The following DIPK2B variants were observed in gnomAD, a reference collection of about 807,000 sequenced individuals.
DIPK2B encodes the protein divergent protein kinase domain 2B, also known as UPF0672 protein CXorf36.
A neutral mutation model predicts 22.2 loss-of-function variants in DIPK2B; 15 were observed. That is an observed-to-expected ratio of 0.68 (90% confidence interval 0.45 to 1.04). The LOEUF (loss-of-function observed/expected upper bound fraction) is 1.04, where lower values mean the gene tolerates loss of function less well. Among genes scored for constraint, DIPK2B ranks in the 50% least tolerant of loss-of-function variants. The pLI is 0.00. For missense variants in DIPK2B, 345 were observed against 348.3 expected (o/e 0.99, Z 0.08); for synonymous variants, 163 against 153.2 (o/e 1.06, Z -0.47).
intron 1 of DIPK2B, among the ~76,000 whole-genome samples, chrX:45,193,527 G>A (rs1219760809): frequency 9.0e-6 from 1 of 111,503 alleles, no homozygotes; most frequent in East Asian, 2.8e-4. Flanking sequence ...AAATTACAAG[G>A]GCAAAGAGGT....
At position 45,177,031 on chromosome X, in the gene DIPK2B, C is replaced by A. The variant is rs138521683; in HGVS notation, c.498+14720G>T. On this transcript the variant is annotated intron_variant, in intron 2 of 4. Transcript: ENST00000398000. Reference sequence around the variant, plus strand: ...ATCTCATGTTGAAATGTGATCCCTGCCAGGTGCAGTAATTCCAGCATTTTG... The same window carrying A: ...ATCTCATGTTGAAATGTGATCCCTGACAGGTGCAGTAATTCCAGCATTTTG... Among the ~76,000 whole-genome samples the A allele has an allele frequency of 5.2e-3, 573 of 111,196 alleles. 1 individual carries two copies. The highest frequency in any genetic ancestry group is 0.018 in the African/African-American group (539 of 30,567).
intron 2 of DIPK2B, among the ~76,000 whole-genome samples, chrX:45,165,829 C>T (rs1276165008): frequency 8.9e-6 from 1 of 112,154 alleles, no homozygotes; most frequent in Non-Finnish European, 1.9e-5. Flanking sequence ...CCTCACAGAA[C>T]ACGCATGCAA....
chrX:45,174,269 T>C (rs1226143215), intron 2 of DIPK2B, among the ~76,000 whole-genome samples: 1 of 111,366 alleles, frequency 9.0e-6, no homozygotes, highest in East Asian at 2.8e-4. Flanking sequence ...CTGTCTGAGG[T>C]TGTTGTAAGT....
At chrX:45,179,945 T>A (rs2047140638) in intron 2 of DIPK2B, among the ~76,000 whole-genome samples, 1 of 111,581 alleles carries the variant, frequency 9.0e-6, no homozygotes, top group Non-Finnish European at 1.9e-5. Context: ...ATACTGAGGG[T>A]ATATTAAAAA....
At chrX:45,180,042 C>A (rs771705294) in intron 2 of DIPK2B, among the ~76,000 whole-genome samples, 1 of 110,579 alleles carries the variant, frequency 9.0e-6, no homozygotes, top group South Asian at 3.8e-4. Flanking sequence ...CAAGTCCCCC[C>A]ACAGCTCATC....
rs924177064 is a variant in DIPK2B at position 45,186,415 on chromosome X, G to A, written c.498+5336C>T. On this transcript the variant is annotated intron_variant, in intron 2 of 4. Transcript: ENST00000398000. ...AAGACCATTCAGCCAGAGGATGTGC[G>A]CTGATATCCAGGGAATATTGCCTTG... is the stretch of plus-strand genomic sequence containing the variant. Among the ~76,000 whole-genome samples, 7 of 111,655 alleles carry A rather than the reference G, an allele frequency of 6.3e-5. No homozygotes were observed. In the East Asian group the frequency reaches 2.0e-3, roughly 32 times the overall value.
Position 45,191,872 on chromosome X carries a change from T to C in DIPK2B, c.377A>G (p.Asp126Gly). ...TGATGCAGAGGCACAGATTCTCCTG[T>C]CTGAGATCTCGTTTTGATATTTGCT... ...LVSKYQNEIS[D>G]RRICASASAP... is the part of the protein sequence containing the mutation. Residue 126 changes from aspartate (D) to glycine (G), a missense_variant, in exon 2 of 5, where the codon GAC becomes GGC. By Grantham distance (94) the Asp-to-Gly change is moderately conservative. Transcript: ENST00000398000. The C allele has an allele frequency of 8.2e-7, 1 of 1,212,141 alleles. No homozygotes were observed. Among genetic ancestry groups the C allele is most frequent in the Non-Finnish European group, 1.1e-6 (1 of 895,578 alleles).
At chrX:45,186,848 C>T (rs994780102) in intron 2 of DIPK2B, among the ~76,000 whole-genome samples, 4 of 112,205 alleles carry the variant, frequency 3.6e-5, no homozygotes, top group African/African-American at 1.3e-4. Flanking sequence ...CTCCTAGCGC[C>T]TAGCACAGGT....
intron 2 of DIPK2B, among the ~76,000 whole-genome samples, chrX:45,181,759 C>T (rs189170165): frequency 2.1e-4 from 23 of 111,693 alleles, no homozygotes; most frequent in African/African-American, 3.9e-4. Flanking sequence ...TAGAAGTAAA[C>T]GAGAGAATAT....
intron 1 of DIPK2B, among the ~76,000 whole-genome samples, chrX:45,193,813 C>A (rs923272736): frequency 9.0e-6 from 1 of 111,248 alleles, no homozygotes; most frequent in African/African-American, 3.3e-5. Flanking sequence ...AAAGATCCTC[C>A]CCTCTAGGTG....
intron 1 of DIPK2B, among the ~76,000 whole-genome samples, chrX:45,192,556 A>G (rs1310098247): frequency 9.0e-6 from 1 of 111,075 alleles, no homozygotes; most frequent in East Asian, 2.8e-4. Flanking sequence ...AGGTTCTTGA[A>G]GAGGCTCTTG....
chrX:45,189,238 T>C (rs1440493801), intron 2 of DIPK2B, among the ~76,000 whole-genome samples: 1 of 112,118 alleles, frequency 8.9e-6, no homozygotes, highest in African/African-American at 3.2e-5. Context: ...TTCTCTTGGG[T>C]GAATAGGCGA....
chrX:45,165,050 T>C (rs963982410), intron 2 of DIPK2B, among the ~76,000 whole-genome samples: 1 of 111,673 alleles, frequency 9.0e-6, no homozygotes, highest in Admixed American at 9.5e-5. Flanking sequence ...GCCTTCAGAA[T>C]GCTATAAACA....
intron 2 of DIPK2B, among the ~76,000 whole-genome samples, chrX:45,176,838 C>G (rs977546108): frequency 8.9e-6 from 1 of 111,733 alleles, no homozygotes; most frequent in African/African-American, 3.3e-5. Context: ...CCTCAGTTGT[C>G]TCTTCTCCAA....
At chrX:45,171,655 G>A (rs1259989219) in intron 2 of DIPK2B, among the ~76,000 whole-genome samples, 1 of 111,508 alleles carries the variant, frequency 9.0e-6, no homozygotes, top group Non-Finnish European at 1.9e-5. Context: ...ATCTGTCATT[G>A]ACATTTCCCT....
At chrX:45,162,836 C>T in intron 2 of DIPK2B, 2 of 754,290 alleles carry the variant, frequency 2.7e-6, no homozygotes, top group Non-Finnish European at 3.1e-6. Flanking sequence ...CAGTCAATGT[C>T]TCTATTGACT....
At chrX:45,160,668 A>G (rs1163790182) in intron 2 of DIPK2B, among the ~76,000 whole-genome samples, 4 of 112,091 alleles carry the variant, frequency 3.6e-5, no homozygotes, top group Non-Finnish European at 7.5e-5. Context: ...AATGTGCTAG[A>G]AACTACAGGG....
At chrX:45,169,516 C>T (rs986164509) in intron 2 of DIPK2B, among the ~76,000 whole-genome samples, 1 of 111,469 alleles carries the variant, frequency 9.0e-6, no homozygotes, top group African/African-American at 3.3e-5. Flanking sequence ...ACCTCTCCTC[C>T]AGCTGGCCCA....
intron 2 of DIPK2B, among the ~76,000 whole-genome samples, chrX:45,176,731 G>A (rs2047120663): frequency 9.0e-6 from 1 of 111,685 alleles, no homozygotes; most frequent in South Asian, 3.8e-4. Context: ...AGAAGCACTT[G>A]GGCCAGCTTA....
Sources: gnomAD v4.1 joint callset for allele counts (sites outside exome capture counted in the v4.1 genomes callset) on GRCh38, gnomAD v4.1.1 for gene constraint, MANE v1.5 for transcripts, NCBI Gene and HGNC (gene_info 2026-07-23, HGNC 2026-07-21) for gene names.